CSMD1: variants seen among roughly 807,000 people sequenced by gnomAD.
The protein encoded by CSMD1 is CUB and sushi domain-containing protein 1.
A neutral mutation model predicts 417.5 loss-of-function variants in CSMD1; 213 were observed. That is an observed-to-expected ratio of 0.51 (90% CI 0.46 to 0.57). The LOEUF is 0.57. CSMD1 is among the 20% of genes least tolerant of loss of function. The probability of loss-of-function intolerance (pLI) is 0.00; values close to 1 mark genes in which losing one functional copy is unlikely to be tolerated. For synonymous variants in CSMD1, 2,862 were observed against 1,736.8 expected (o/e 1.65, Z -16.11); for missense variants, 6,923 against 4,529.7 (o/e 1.53, Z -15.17).
At chr8:4,589,965 G>A (rs1032401656) in intron 2 of CSMD1, among the ~76,000 whole-genome samples, 1 of 152,138 alleles carries the variant, frequency 6.6e-6, no homozygotes, top group Non-Finnish European at 1.5e-5. Flanking sequence ...TAGGTTACTA[G>A]GCTAAGCAAG....
chr8:3,681,503 A>G (rs1413984303), intron 7 of CSMD1, among the ~76,000 whole-genome samples: 2 of 152,218 alleles, frequency 1.3e-5, no homozygotes, highest in East Asian at 3.8e-4. Context: ...GACCTCTTCA[A>G]GGAGAATTAC....
chr8:4,584,131 G>T (rs1216013369), intron 2 of CSMD1, among the ~76,000 whole-genome samples: 2 of 152,054 alleles, frequency 1.3e-5, no homozygotes, highest in African/African-American at 4.8e-5. Context: ...CCGAACGTCA[G>T]AAGGAACAAA....
Position 4,069,239 on chromosome 8 carries a change from C to T in CSMD1, c.416-37140G>A, listed in dbSNP as rs556498562. On this transcript the variant is annotated intron_variant, in intron 3 of 69. Transcript: ENST00000635120. The stretch of plus-strand genomic sequence containing the variant: ...AAAATTGTCATACAGATGAGAAAAT[C>T]AAAAATTTTGGTAAAGATTACTGTG... 7.2e-5 allele frequency among the ~76,000 whole-genome samples: 11 copies of T among 152,168 alleles called. No homozygotes were observed. The South Asian group carries it at 2.3e-3, about 32-fold the overall frequency.
chr8:3,712,414 C>T (rs60056932), intron 6 of CSMD1, among the ~76,000 whole-genome samples: 1 of 148,016 alleles, frequency 6.8e-6, no homozygotes, highest in Non-Finnish European at 1.5e-5. Context: ...GACAGACAGA[C>T]AGACAGACAG....
intron 37 of CSMD1, among the ~76,000 whole-genome samples, chr8:3,178,827 A>C (rs1004141926): frequency 1.3e-5 from 2 of 152,184 alleles, no homozygotes. Flanking sequence ...AAATGCAAAA[A>C]TATGTCAACA....
At chr8:3,222,083 G>T (rs938400284) in intron 28 of CSMD1, among the ~76,000 whole-genome samples, 1 of 152,054 alleles carries the variant, frequency 6.6e-6, no homozygotes, top group Non-Finnish European at 1.5e-5. Context: ...CTCCAGATCA[G>T]AGAAGTCACT....
intron 11 of CSMD1, among the ~76,000 whole-genome samples, chr8:3,471,525 G>A (rs530128280): frequency 7.0e-5 from 8 of 114,380 alleles, no homozygotes; most frequent in East Asian, 2.4e-4. Flanking sequence ...TCCTTCCTTC[G>A]TTCCTTCCTT....
intron 2 of CSMD1, among the ~76,000 whole-genome samples, chr8:4,608,556 T>C (rs1801002732): frequency 6.6e-6 from 1 of 152,336 alleles, no homozygotes; most frequent in Non-Finnish European, 1.5e-5. Flanking sequence ...TTAACAATTA[T>C]TCTGCTCCAT....
intron 13 of CSMD1, 56 bp from the exon 14 acceptor site, chr8:3,408,281 A>G: frequency 7.3e-7 from 1 of 1,373,912 alleles, no homozygotes; most frequent in Non-Finnish European, 9.9e-7. Flanking sequence ...AAGAATTGCC[A>G]TGTGAAACAG....
At chr8:4,715,175 A>C (rs138249412) in intron 1 of CSMD1, among the ~76,000 whole-genome samples, 99 of 152,294 alleles carry the variant, frequency 6.5e-4, no homozygotes, top group African/African-American at 2.2e-3. Context: ...TTATTCTATT[A>C]TTTCGCAGAA....
rs1240483343 is a variant in CSMD1 at position 3,905,577 on chromosome 8, T to C, written c.818+92326A>G. 3.3e-5 allele frequency among the ~76,000 whole-genome samples: 5 copies of C among 152,212 alleles called. No homozygotes were observed. In the East Asian group the frequency reaches 9.6e-4, roughly 29 times the overall value. On this transcript the variant is annotated intron_variant, in intron 5 of 69. Transcript: ENST00000635120. Reference sequence around the variant, plus strand: ...CTGGGAGGGCTTGTGCAAACACAGATGGCTGGACCCCACACCCAGAGTTTC... The same window carrying C: ...CTGGGAGGGCTTGTGCAAACACAGACGGCTGGACCCCACACCCAGAGTTTC...
chr8:3,676,478 T>C (rs912171790), intron 7 of CSMD1, among the ~76,000 whole-genome samples: 2 of 152,244 alleles, frequency 1.3e-5, no homozygotes, highest in Admixed American at 1.3e-4. Context: ...ATATTGTATT[T>C]AATTTCATAA....
chr8:4,925,215 G>GGTTTTTTTTTTTTTTTTTTT (rs762807942), intron 1 of CSMD1, among the ~76,000 whole-genome samples: 1 of 72,740 alleles, frequency 1.4e-5, no homozygotes, highest in Non-Finnish European at 2.3e-5. Context: ...CAGTTTTATG[G>GGTTTTTTTTTTTTTTTTTTT]TTTTTTTTTT....
At chr8:4,246,321 C>G (rs149769269) in intron 3 of CSMD1, among the ~76,000 whole-genome samples, 7 of 152,078 alleles carry the variant, frequency 4.6e-5, no homozygotes, top group Non-Finnish European at 7.4e-5. Context: ...TTGGCCTCCA[C>G]CTCCATCCAC....
rs117154287 is a variant in CSMD1 at position 4,829,345 on chromosome 8, G to T, written c.85+164987C>A. Among the ~76,000 whole-genome samples the T allele has an allele frequency of 6.2e-4, 95 of 152,142 alleles. No homozygotes were observed. The East Asian group carries it at 0.018, about 29-fold the overall frequency. Reference sequence around the variant, plus strand: ...TATGTTTTCATTTAACCTACATTACGTGTCTATACTGGGCAACACTCTGCT... The same window carrying T: ...TATGTTTTCATTTAACCTACATTACTTGTCTATACTGGGCAACACTCTGCT... On this transcript the variant is annotated intron_variant, in intron 1 of 69. Coordinates refer to ENST00000635120, the MANE Select transcript of CSMD1 (RefSeq NM_033225.6).
chr8:4,460,517 C>G (rs534871800), intron 2 of CSMD1, among the ~76,000 whole-genome samples: 6 of 151,922 alleles, frequency 3.9e-5, no homozygotes, highest in Non-Finnish European at 7.4e-5. Context: ...TGAACGTAAG[C>G]AAATTCAAAG....
chr8:4,475,309 G>C (rs1800740369), intron 2 of CSMD1, among the ~76,000 whole-genome samples: 1 of 152,226 alleles, frequency 6.6e-6, no homozygotes, highest in East Asian at 1.9e-4. Context: ...TTACAAGCAT[G>C]TCTCCAAATT....
chr8:3,484,613 G>C (rs973789005), intron 11 of CSMD1, among the ~76,000 whole-genome samples: 3 of 152,146 alleles, frequency 2.0e-5, no homozygotes, highest in African/African-American at 7.2e-5. Context: ...AAAAGCTTTT[G>C]CCATGTGTTG....
At chr8:3,687,251 C>T (rs946649877) in intron 7 of CSMD1, among the ~76,000 whole-genome samples, 2 of 152,180 alleles carry the variant, frequency 1.3e-5, no homozygotes, top group Non-Finnish European at 2.9e-5. Flanking sequence ...CTTTTAAGTC[C>T]AGCTTAGCAT....
Sources: gnomAD v4.1 joint callset for allele counts (sites outside exome capture counted in the v4.1 genomes callset) on GRCh38, gnomAD v4.1.1 for gene constraint, MANE v1.5 for transcripts, NCBI Gene and HGNC (gene_info 2026-07-23, HGNC 2026-07-21) for gene names.